The following ARHGAP15 variants were observed in gnomAD, a reference collection of about 807,000 sequenced individuals.
ARHGAP15 encodes the protein Rho GTPase activating protein 15, also known as rho GTPase-activating protein 15.
ARHGAP15 carries 51 observed loss-of-function variants against 63.7 expected under a neutral mutation model. The observed-to-expected ratio is 0.80, with a 90% confidence interval of 0.64 to 1.01. The LOEUF (loss-of-function observed/expected upper bound fraction) is 1.01. Ranked by LOEUF, ARHGAP15 falls within the 50% of genes least tolerant of loss-of-function variation. ARHGAP15 has a pLI of 0.00. For missense variants in ARHGAP15, 560 were observed against 564.6 expected, an observed-to-expected ratio of 0.99 and a Z score of 0.08; for synonymous variants, 191 against 193.8, an observed-to-expected ratio of 0.99 and a Z score of 0.12.
intron 11 of ARHGAP15, among the ~76,000 whole-genome samples, chr2:143,570,920 C>A (rs915381150): frequency 1.1e-4 from 16 of 152,148 alleles, no homozygotes; most frequent in African/African-American, 3.6e-4. Context: ...AGCCCCCCAG[C>A]CAGGGGCCAG....
intron 6 of ARHGAP15, among the ~76,000 whole-genome samples, chr2:143,420,454 A>C (rs1688870048): frequency 6.6e-6 from 1 of 152,146 alleles, no homozygotes; most frequent in African/African-American, 2.4e-5. Flanking sequence ...GTGCCATCAC[A>C]TCATCTGGGT....
At chr2:143,449,018 G>T (rs550693372) in intron 8 of ARHGAP15, among the ~76,000 whole-genome samples, 5 of 152,080 alleles carry the variant, frequency 3.3e-5, no homozygotes, top group Admixed American at 1.3e-4. Flanking sequence ...TATTATATTG[G>T]TCATGCTATG....
chr2:143,478,095 G>T (rs921271055), intron 8 of ARHGAP15, among the ~76,000 whole-genome samples: 4 of 152,180 alleles, frequency 2.6e-5, no homozygotes, highest in Non-Finnish European at 5.9e-5. Flanking sequence ...TGTGTTCATT[G>T]TTGTCTTGCT....
chr2:143,535,518 T>C (rs911568918), intron 10 of ARHGAP15, among the ~76,000 whole-genome samples: 4 of 152,224 alleles, frequency 2.6e-5, no homozygotes, highest in African/African-American at 7.2e-5. Flanking sequence ...GAAAGAAATA[T>C]TTTAAGAAAG....
chr2:143,368,769 T>G (rs937545165), intron 6 of ARHGAP15, among the ~76,000 whole-genome samples: 6 of 152,016 alleles, frequency 3.9e-5, no homozygotes, highest in African/African-American at 1.4e-4. Context: ...AAGCAATTTT[T>G]CCATAGGATT....
chr2:143,375,302 C>T (rs1358610718), intron 6 of ARHGAP15, among the ~76,000 whole-genome samples: 5 of 152,158 alleles, frequency 3.3e-5, no homozygotes, highest in Non-Finnish European at 7.3e-5. Context: ...GGCCTCCCCT[C>T]CTCTCTTCAC....
At chr2:143,712,811 A>AT (rs1449938230) in intron 13 of ARHGAP15, among the ~76,000 whole-genome samples, 2 of 151,718 alleles carry the variant, frequency 1.3e-5, no homozygotes, top group Non-Finnish European at 2.9e-5. Context: ...TTTAAAAAAA[A>AT]AAAAACCCAC....
chr2:143,495,546 A>T (rs1692778659), intron 9 of ARHGAP15, among the ~76,000 whole-genome samples: 1 of 152,214 alleles, frequency 6.6e-6, no homozygotes, highest in African/African-American at 2.4e-5. Context: ...TGATTGTTTA[A>T]GGTGTCTGCC....
intron 1 of ARHGAP15, among the ~76,000 whole-genome samples, chr2:143,149,916 T>G (rs1005495350): frequency 6.6e-6 from 1 of 152,084 alleles, no homozygotes; most frequent in African/African-American, 2.4e-5. Context: ...AAGACTTGCA[T>G]GATACATACC....
chr2:143,624,334 A>T, intron 12 of ARHGAP15, 67 bp downstream of exon 12: 1 of 1,484,240 alleles, frequency 6.7e-7, no homozygotes, highest in Non-Finnish European at 9.1e-7. Flanking sequence ...TAAGTAAATA[A>T]TAAGAATGAT....
chr2:143,560,270 GTAA>G (rs1177336482), intron 11 of ARHGAP15, among the ~76,000 whole-genome samples: 2 of 152,130 alleles, frequency 1.3e-5, no homozygotes, highest in African/African-American at 4.8e-5. Flanking sequence ...GATGATAATA[GTAA>G]TTATTATCAT....
intron 6 of ARHGAP15, among the ~76,000 whole-genome samples, chr2:143,267,318 C>A (rs1681046849): frequency 6.6e-6 from 1 of 152,156 alleles, no homozygotes; most frequent in South Asian, 2.1e-4. Flanking sequence ...TTATTGAGTA[C>A]TTGTAATTGA....
At chr2:143,642,488 ATTTGGGAACCATTGATT>A (rs529350140) in intron 12 of ARHGAP15, among the ~76,000 whole-genome samples, 11 of 152,226 alleles carry the variant, frequency 7.2e-5, no homozygotes, top group African/African-American at 2.6e-4. Flanking sequence ...CGGCAGTCAC[ATTTGGGAACCATTGATT>A]TTGGTTCTTT....
intron 12 of ARHGAP15, chr2:143,641,144 T>G (rs1680578883): frequency 1.3e-5 from 2 of 152,188 alleles, no homozygotes; most frequent in Non-Finnish European, 2.9e-5. Flanking sequence ...GGTCCATTAC[T>G]GTATTTATGA....
intron 5 of ARHGAP15, chr2:143,236,266 C>A: frequency 4.0e-6 from 1 of 250,310 alleles, no homozygotes; most frequent in Non-Finnish European, 7.5e-6. Flanking sequence ...ATAATAAAAC[C>A]ATGACTAAAG....
At chr2:143,292,722 T>C (rs993792868) in intron 6 of ARHGAP15, among the ~76,000 whole-genome samples, 2 of 152,050 alleles carry the variant, frequency 1.3e-5, no homozygotes, top group African/African-American at 2.4e-5. Flanking sequence ...AATAGTCTTA[T>C]TGATTTTTAA....
Position 143,228,522 on chromosome 2 carries a change from C to T in ARHGAP15, c.297-59C>T, listed in dbSNP as rs1274836953. ...ATTCCAAATGTTGCTCATACTGTAT[C>T]TATAAATGATTTCTTCAACTGATAA... On this transcript the variant is annotated intron_variant, in intron 4 of 13. Coordinates refer to ENST00000295095, the MANE Select transcript of ARHGAP15 (RefSeq NM_018460.4). 4.2e-6 allele frequency: 5 copies of T among 1,188,754 alleles called. No individual in the cohort carries two copies. The East Asian group carries it at 1.2e-4, about 28-fold the overall frequency. The allele number at this position is 1,188,754 out of a possible 1,614,324, so 73.6% of individuals were successfully genotyped here.
chr2:143,178,232 A>G (rs1691084370), intron 2 of ARHGAP15, among the ~76,000 whole-genome samples: 1 of 152,194 alleles, frequency 6.6e-6, no homozygotes, highest in African/African-American at 2.4e-5. Context: ...ACAAAACTCT[A>G]AGTTTCTAGA....
chr2:143,479,603 G>T (rs1361236513), intron 8 of ARHGAP15, among the ~76,000 whole-genome samples: 1 of 151,726 alleles, frequency 6.6e-6, no homozygotes, highest in African/African-American at 2.4e-5. Context: ...TACTTTATTA[G>T]CAAATTTATC....
Sources: gnomAD v4.1 joint callset for allele counts (sites outside exome capture counted in the v4.1 genomes callset) on GRCh38, gnomAD v4.1.1 for gene constraint, MANE v1.5 for transcripts, NCBI Gene and HGNC (gene_info 2026-07-23, HGNC 2026-07-21) for gene names.